The following SSH2 variants were observed in gnomAD, a reference collection of about 807,000 sequenced individuals.
SSH2 encodes slingshot protein phosphatase 2.
SSH2 carries 37 observed loss-of-function variants against 135.2 expected under a neutral mutation model. The ratio of observed to expected loss-of-function variants is 0.27; its 90% CI spans 0.21 to 0.36. The LOEUF is 0.36. Among genes scored for constraint, SSH2 ranks in the 10% least tolerant of loss-of-function variants. SSH2 has a pLI of 1.00. For synonymous variants in SSH2, 628 were observed against 646.2 expected, an observed-to-expected ratio of 0.97 and a Z score of 0.43; for missense variants, 1,408 against 1,765.3, an observed-to-expected ratio of 0.80 and a Z score of 3.63.
At chr17:29,736,637 A>G (rs1011555606) in intron 3 of SSH2, among the ~76,000 whole-genome samples, 5 of 150,406 alleles carry the variant, frequency 3.3e-5, no homozygotes, top group Admixed American at 6.6e-5. Context: ...AATATGAAAA[A>G]TTAGCCAGGC....
chr17:29,637,871 T>G (rs1567832927), intron 14 of SSH2, among the ~76,000 whole-genome samples: 1 of 151,904 alleles, frequency 6.6e-6, no homozygotes, highest in Non-Finnish European at 1.5e-5. Flanking sequence ...CCTAGCACTT[T>G]GGGAGGCTAA....
At chr17:29,703,303 C>A (rs1417393922) in intron 3 of SSH2, among the ~76,000 whole-genome samples, 1 of 152,200 alleles carries the variant, frequency 6.6e-6, no homozygotes, top group Non-Finnish European at 1.5e-5. Flanking sequence ...GGCCGGAGTG[C>A]AGTGGCGTGA....
At chr17:29,925,209 A>C (rs2067042164) in intron 1 of SSH2, 1 of 222,858 alleles carries the variant, frequency 4.5e-6, no homozygotes, top group African/African-American at 2.3e-5. Context: ...ACTACAGAAA[A>C]CTAAAATATT....
rs2035879658 is a variant in SSH2 at position 29,635,597 on chromosome 17, A to G, written c.2262+371T>C. On this transcript the variant is annotated intron_variant, in intron 15 of 15. Coordinates refer to ENST00000540801, the MANE Select transcript of SSH2 (RefSeq NM_001282129.2). ...TAATTTTTTGTATTTTTTAGTAGAG[A>G]CGGGGTTTCACCGTGTTAGCCAGGA... is the stretch of plus-strand genomic sequence containing the variant. Among the ~76,000 whole-genome samples, 4 of 151,790 alleles carry G rather than the reference A, an allele frequency of 2.6e-5. No individual in the cohort carries two copies. In the South Asian group the frequency reaches 6.3e-4, roughly 24 times the overall value.
At chr17:29,929,878 TG>T (rs1267307016) in intron 1 of SSH2, 59 bp downstream of exon 1, 2 of 1,492,352 alleles carry the variant, frequency 1.3e-6, no homozygotes, top group African/African-American at 2.8e-5. Context: ...CGGGACCCGC[TG>T]AGGCAAAGCG....
chr17:29,755,111 C>A (rs2041071814), intron 3 of SSH2, among the ~76,000 whole-genome samples: 2 of 152,178 alleles, frequency 1.3e-5, no homozygotes, highest in South Asian at 4.1e-4. Flanking sequence ...TTCCCAGGGA[C>A]TGGATAATAG....
At chr17:29,811,662 G>A (rs1200928483) in intron 2 of SSH2, among the ~76,000 whole-genome samples, 4 of 151,652 alleles carry the variant, frequency 2.6e-5, no homozygotes, top group Admixed American at 1.3e-4. Flanking sequence ...TTGAACCCCT[G>A]GGCTCAAGTG....
At position 29,632,749 on chromosome 17, in the gene SSH2, C is replaced by T. The variant is rs752916383; in HGVS notation, c.2445G>A (p.Leu815=). ...HTPKKNSIHE[L]LLERAQTPEN... ...CTGGAGTCTGGGCCCTCTCAAGGAGCAGCTCATGGATGCTGTTCTTCTTTG... is the reference window on the plus strand; with the variant it reads ...CTGGAGTCTGGGCCCTCTCAAGGAGTAGCTCATGGATGCTGTTCTTCTTTG... Residue 815 remains leucine, a synonymous_variant, in exon 16 of 16, where the codon CTG becomes CTA. Transcript: ENST00000540801. 2 of 1,614,204 alleles carry T rather than the reference C, an allele frequency of 1.2e-6. No individual in the cohort carries two copies. The highest frequency in any genetic ancestry group is 3.3e-5 in the Admixed American group (2 of 60,024).
chr17:29,816,584 C>T (rs1051389867), intron 2 of SSH2, among the ~76,000 whole-genome samples: 6 of 151,926 alleles, frequency 3.9e-5, no homozygotes, highest in Non-Finnish European at 7.4e-5. Flanking sequence ...AAGAGAAGAT[C>T]GGATGCTTAA....
At chr17:29,669,968 A>C (rs1468349728) in intron 9 of SSH2, among the ~76,000 whole-genome samples, 2 of 136,894 alleles carry the variant, frequency 1.5e-5, no homozygotes, top group Non-Finnish European at 3.1e-5. Flanking sequence ...TGCAACCTCC[A>C]CCTCTTGGAT....
chr17:29,817,609 C>A (rs2042579782), intron 2 of SSH2, among the ~76,000 whole-genome samples: 1 of 152,180 alleles, frequency 6.6e-6, no homozygotes. Flanking sequence ...CCTACATTAT[C>A]TATTAGTAAT....
intron 2 of SSH2, among the ~76,000 whole-genome samples, chr17:29,831,830 C>T (rs375373989): frequency 1.3e-5 from 2 of 152,056 alleles, no homozygotes; most frequent in African/African-American, 2.4e-5. Flanking sequence ...CTACCAGCCT[C>T]GGCCTCCCAA....
intron 2 of SSH2, among the ~76,000 whole-genome samples, chr17:29,827,660 G>T (rs190512731): frequency 1.5e-4 from 23 of 152,104 alleles, no homozygotes; most frequent in African/African-American, 5.5e-4. Context: ...TTTCCAGGAA[G>T]TTCCAGGTAA....
chr17:29,802,036 A>T (rs548460893), intron 2 of SSH2, among the ~76,000 whole-genome samples: 1 of 152,072 alleles, frequency 6.6e-6, no homozygotes, highest in African/African-American at 2.4e-5. Flanking sequence ...AAAACATATT[A>T]TTTTTTTTGA....
intron 9 of SSH2, among the ~76,000 whole-genome samples, 167 bp from the exon 10 acceptor site, chr17:29,667,390 G>A (rs1368449112): frequency 6.6e-6 from 1 of 152,150 alleles, no homozygotes; most frequent in Non-Finnish European, 1.5e-5. Flanking sequence ...AGTGAGTACC[G>A]GTCAGTGGCC....
intron 2 of SSH2, among the ~76,000 whole-genome samples, chr17:29,833,392 G>A (rs981505622): frequency 6.6e-6 from 1 of 152,064 alleles, no homozygotes; most frequent in African/African-American, 2.4e-5. Context: ...TCTGATATAA[G>A]TATAGCTACC....
rs1383055624 is a variant in SSH2, at chr17:29,930,042, T to A, written c.-42A>T. 4 of 1,345,920 alleles carry A rather than the reference T, an allele frequency of 3.0e-6. No individual in the cohort carries two copies. In the Admixed American group the frequency reaches 9.9e-5, roughly 33 times the overall value. The allele number at this position is 1,345,920 out of a possible 1,614,324, so 83.4% of individuals were successfully genotyped here. On this transcript the variant is annotated 5_prime_UTR_variant, in exon 1 of 16. Transcript: ENST00000540801. ...TGTTCCGGGCAGGGCATTCTTGTCC[T>A]GAGTGTGGGGGACGGGAGGGTGACG...
At chr17:29,919,687 C>G (rs2066940738) in intron 1 of SSH2, among the ~76,000 whole-genome samples, 2 of 150,802 alleles carry the variant, frequency 1.3e-5, no homozygotes, top group Admixed American at 1.3e-4. Flanking sequence ...TCAAGAATTA[C>G]ACTTTTTTTT....
chr17:29,877,078 T>C (rs1337575465), intron 1 of SSH2, among the ~76,000 whole-genome samples: 1 of 152,060 alleles, frequency 6.6e-6, no homozygotes, highest in East Asian at 1.9e-4. Context: ...AATAGACATT[T>C]CTCAAAAGAA....
Sources: allele counts gnomAD v4.1 joint callset (sites outside exome capture counted in the v4.1 genomes callset), GRCh38; gene constraint gnomAD v4.1.1; transcripts MANE v1.5; gene names NCBI Gene and HGNC (gene_info 2026-07-23, HGNC 2026-07-21).